The following CDYL2 variants were observed in gnomAD, a reference collection of about 807,000 sequenced individuals.
The protein encoded by CDYL2 is chromodomain Y like 2.
CDYL2 carries 23 observed loss-of-function variants against 49.4 expected under a neutral mutation model. The observed-to-expected ratio is 0.47, with a 90% CI of 0.34 to 0.66. CDYL2 has a LOEUF of 0.66. Ranked by LOEUF, CDYL2 falls within the 30% of genes least tolerant of loss-of-function variation. The pLI is 0.01. For synonymous variants in CDYL2, 360 were observed against 268.8 expected (o/e 1.34, Z -3.32); for missense variants, 678 against 656.4 (o/e 1.03, Z -0.36).
intron 1 of CDYL2, among the ~76,000 whole-genome samples, chr16:80,693,743 T>A (rs997965178): frequency 5.3e-5 from 8 of 152,154 alleles, no homozygotes; most frequent in Non-Finnish European, 7.3e-5. Flanking sequence ...TGCGTGGTCC[T>A]ATGGGGGTGG....
rs117437269 is a variant in CDYL2, at chr16:80,638,304, A to G, written c.617-5068T>C. Among the ~76,000 whole-genome samples, 448 of 152,064 alleles carry G rather than the reference A, an allele frequency of 2.9e-3. 2 individuals carry two copies. The highest frequency in any genetic ancestry group is 0.024 in the East Asian group (126 of 5,168). ...TGCCTAGGCTGGTCTCAAATTCCCAACCCCAAACAATCCTCCCACCTCAGG... is the reference window on the plus strand; with the variant it reads ...TGCCTAGGCTGGTCTCAAATTCCCAGCCCCAAACAATCCTCCCACCTCAGG... On this transcript the variant is annotated intron_variant, in intron 2 of 6. Transcript: ENST00000570137.
intron 1 of CDYL2, among the ~76,000 whole-genome samples, chr16:80,730,435 G>T (rs550111255): frequency 6.6e-6 from 1 of 152,068 alleles, no homozygotes; most frequent in Non-Finnish European, 1.5e-5. Flanking sequence ...ACCAATAACA[G>T]GAGCTGAAAT....
At chr16:80,685,159 CAGAG>C in intron 1 of CDYL2, 30 bp from the exon 2 acceptor site, 2 of 1,555,868 alleles carry the variant, frequency 1.3e-6, no homozygotes, top group Admixed American at 1.7e-5. Context: ...GGTCAGAAAA[CAGAG>C]AGAGAGGGAG....
intron 3 of CDYL2, among the ~76,000 whole-genome samples, chr16:80,630,481 A>G (rs1907511313): frequency 6.6e-6 from 1 of 152,200 alleles, no homozygotes; most frequent in Non-Finnish European, 1.5e-5. Flanking sequence ...AATCTAGGAA[A>G]AACTGGTCTC....
intron 2 of CDYL2, among the ~76,000 whole-genome samples, chr16:80,658,713 G>C (rs1908912956): frequency 6.6e-6 from 1 of 152,152 alleles, no homozygotes; most frequent in Non-Finnish European, 1.5e-5. Flanking sequence ...AAAAGGCTTA[G>C]AAGAAATGAA....
chr16:80,754,528 G>A (rs781011937), intron 1 of CDYL2, among the ~76,000 whole-genome samples: 1 of 152,164 alleles, frequency 6.6e-6, no homozygotes, highest in Non-Finnish European at 1.5e-5. Context: ...ATAAACTGTG[G>A]CCTCACGTGG....
intron 1 of CDYL2, among the ~76,000 whole-genome samples, chr16:80,761,751 C>T (rs1351967739): frequency 6.6e-6 from 1 of 151,890 alleles, no homozygotes; most frequent in African/African-American, 2.4e-5. Flanking sequence ...AAAATACATA[C>T]AACTATTATA....
At chr16:80,678,017 T>A (rs935007293) in intron 2 of CDYL2, among the ~76,000 whole-genome samples, 1 of 151,792 alleles carries the variant, frequency 6.6e-6, no homozygotes, top group African/African-American at 2.4e-5. Flanking sequence ...GGGAAAGGAT[T>A]CCCTATTTAA....
chr16:80,665,432 T>G (rs1169979621), intron 2 of CDYL2, among the ~76,000 whole-genome samples: 1 of 151,344 alleles, frequency 6.6e-6, no homozygotes, highest in African/African-American at 2.4e-5. Context: ...TCAACAGATC[T>G]TGTGACCAGT....
intron 1 of CDYL2, among the ~76,000 whole-genome samples, chr16:80,786,831 A>T (rs1907451903): frequency 6.6e-6 from 1 of 152,108 alleles, no homozygotes; most frequent in Non-Finnish European, 1.5e-5. Context: ...CAGAAAACCA[A>T]ACACCGCATG....
At chr16:80,787,304 G>A (rs996959188) in intron 1 of CDYL2, among the ~76,000 whole-genome samples, 1 of 152,146 alleles carries the variant, frequency 6.6e-6, no homozygotes, top group African/African-American at 2.4e-5. Context: ...TGTTCCTCAG[G>A]TAGAAACTAC....
chr16:80,748,011 C>G (rs1253538259), intron 1 of CDYL2, among the ~76,000 whole-genome samples: 1 of 151,812 alleles, frequency 6.6e-6, no homozygotes, highest in Non-Finnish European at 1.5e-5. Context: ...AAGCAGGGCA[C>G]AGTGAACTCT....
chr16:80,804,122 G>C, intron 1 of CDYL2, 28 bp downstream of exon 1: 1 of 1,144,158 alleles, frequency 8.7e-7, no homozygotes, highest in Non-Finnish European at 1.1e-6. Context: ...GCTGACTGGG[G>C]CCGGCCCGCG....
At chr16:80,625,395 C>T (rs1907257076) in intron 3 of CDYL2, among the ~76,000 whole-genome samples, 1 of 152,210 alleles carries the variant, frequency 6.6e-6, no homozygotes, top group Admixed American at 6.5e-5. Context: ...CATTTAAAGA[C>T]CCTTGTGATT....
At chr16:80,799,375 AC>A (rs1260146615) in intron 1 of CDYL2, among the ~76,000 whole-genome samples, 1 of 152,168 alleles carries the variant, frequency 6.6e-6, no homozygotes, top group Non-Finnish European at 1.5e-5. Context: ...ACCGTAAAAT[AC>A]TTGTTTTCTT....
At chr16:80,794,897 G>A (rs1907724300) in intron 1 of CDYL2, among the ~76,000 whole-genome samples, 1 of 152,136 alleles carries the variant, frequency 6.6e-6, no homozygotes, top group Admixed American at 6.5e-5. Flanking sequence ...ATAGGCATGA[G>A]CCACCGCATC....
chr16:80,630,686 G>A (rs898650699), intron 3 of CDYL2, among the ~76,000 whole-genome samples: 2 of 151,998 alleles, frequency 1.3e-5, no homozygotes, highest in Non-Finnish European at 2.9e-5. Flanking sequence ...CTCAGAGAAG[G>A]GGCAGCACAC....
At chr16:80,683,368 GAAA>G (rs987666428) in intron 2 of CDYL2, among the ~76,000 whole-genome samples, 29 of 152,354 alleles carry the variant, frequency 1.9e-4, no homozygotes, top group African/African-American at 7.0e-4. Flanking sequence ...CAGCTAACCT[GAAA>G]GACTGATGCC....
chr16:80,656,786 C>A (rs1211410001), intron 2 of CDYL2, among the ~76,000 whole-genome samples: 1 of 152,154 alleles, frequency 6.6e-6, no homozygotes. Context: ...AGGCACAACA[C>A]TGACACAAAG....
Sources: gnomAD v4.1 joint callset for allele counts (sites outside exome capture counted in the v4.1 genomes callset) on GRCh38, gnomAD v4.1.1 for gene constraint, MANE v1.5 for transcripts, NCBI Gene and HGNC (gene_info 2026-07-23, HGNC 2026-07-21) for gene names.